The following RBFOX1 variants were observed in gnomAD, a reference collection of about 807,000 sequenced individuals.
RBFOX1 encodes RNA binding fox-1 homolog 1.
In RBFOX1, 8 loss-of-function variants were observed where a neutral mutation model predicts 57.7. The observed-to-expected ratio is 0.14, with a 90% CI of 0.08 to 0.25. RBFOX1 has a LOEUF of 0.25. RBFOX1 is among the 10% of genes least tolerant of loss of function. The probability of loss-of-function intolerance (pLI) is 1.00; values close to 1 mark genes in which losing one functional copy is unlikely to be tolerated. For synonymous variants in RBFOX1, 326 were observed against 222.4 expected (o/e 1.47, Z -4.15); for missense variants, 611 against 548.5 (o/e 1.11, Z -1.14).
chr16:7,441,171 C>T (rs2098763306), intron 4 of RBFOX1, among the ~76,000 whole-genome samples: 1 of 152,144 alleles, frequency 6.6e-6, no homozygotes, highest in South Asian at 2.1e-4. Flanking sequence ...TCACCATTGG[C>T]CCAGGAAACT....
chr16:5,929,513 G>A (rs555155561), intron 4 of RBFOX1, among the ~76,000 whole-genome samples: 26 of 152,136 alleles, frequency 1.7e-4, no homozygotes, highest in African/African-American at 5.3e-4. Flanking sequence ...GAAGATTAAA[G>A]GACATAATCT....
intron 3 of RBFOX1, among the ~76,000 whole-genome samples, chr16:6,846,768 A>T (rs978233006): frequency 6.6e-6 from 1 of 152,194 alleles, no homozygotes; most frequent in African/African-American, 2.4e-5. Context: ...TGTCTTTGAT[A>T]GGAGATGGCC....
At chr16:5,286,793 T>C (rs2063405892) in intron 1 of RBFOX1, among the ~76,000 whole-genome samples, 1 of 152,236 alleles carries the variant, frequency 6.6e-6, no homozygotes, top group East Asian at 1.9e-4. Context: ...GGTACCATCG[T>C]AGCCTAAAAG....
At chr16:5,515,401 C>G (rs571343150) in intron 2 of RBFOX1, among the ~76,000 whole-genome samples, 20 of 152,336 alleles carry the variant, frequency 1.3e-4, no homozygotes, top group African/African-American at 4.8e-4. Flanking sequence ...AGCTTGGAAT[C>G]CAGCCTCTGA....
At chr16:7,144,014 G>T (rs1272514067) in intron 4 of RBFOX1, among the ~76,000 whole-genome samples, 2 of 152,090 alleles carry the variant, frequency 1.3e-5, no homozygotes, top group East Asian at 1.9e-4. Flanking sequence ...TTCATAGTTT[G>T]GTTCCTGTGT....
intron 11 of RBFOX1, among the ~76,000 whole-genome samples, chr16:7,633,339 T>C (rs897005480): frequency 3.3e-5 from 5 of 152,254 alleles, no homozygotes; most frequent in Non-Finnish European, 7.3e-5. Flanking sequence ...ATTATGAAAT[T>C]GTATAATGTG....
intron 3 of RBFOX1, among the ~76,000 whole-genome samples, chr16:6,842,300 ATTAT>A (rs964452573): frequency 1.3e-4 from 17 of 131,640 alleles, no homozygotes; most frequent in African/African-American, 4.0e-4. Flanking sequence ...AACTTTCTTA[ATTAT>A]TTTTTTCTGA....
At chr16:5,255,306 A>G (rs1023010424) in intron 1 of RBFOX1, among the ~76,000 whole-genome samples, 1 of 150,624 alleles carries the variant, frequency 6.6e-6, no homozygotes, top group African/African-American at 2.5e-5. Context: ...CTGTCCGCCT[A>G]TCCGTCCACA....
chr16:5,714,817 G>A (rs143464385), intron 3 of RBFOX1, among the ~76,000 whole-genome samples: 51 of 152,292 alleles, frequency 3.3e-4, no homozygotes, highest in Admixed American at 2.0e-3. Context: ...TCGTCACTGC[G>A]TCACAGATGT....
chr16:7,692,273 G>T (rs1201173316), intron 14 of RBFOX1, among the ~76,000 whole-genome samples: 1 of 152,064 alleles, frequency 6.6e-6, no homozygotes, highest in African/African-American at 2.4e-5. Context: ...GTGTAGAAAT[G>T]ACTAGAATTT....
rs543728355 is a variant in RBFOX1 at position 5,971,387 on chromosome 16, G to A, written c.351+104052G>A. 6.2e-4 allele frequency among the ~76,000 whole-genome samples: 95 copies of A among 152,334 alleles called. 1 individual carries two copies. Among genetic ancestry groups the A allele is most frequent in the African/African-American group, 2.1e-3 (86 of 41,584 alleles). On this transcript the variant is annotated intron_variant, in intron 4 of 19. Transcript: ENST00000641259. ...GGTGTGAGGGTGGTAAATAAGATAT[G>A]CTGGGTGTGGGGACCATAGATCTCA...
intron 1 of RBFOX1, among the ~76,000 whole-genome samples, chr16:6,172,272 A>G (rs969291682): frequency 6.6e-6 from 1 of 151,554 alleles, no homozygotes; most frequent in African/African-American, 2.4e-5. Flanking sequence ...GGCCCCGGAC[A>G]GCGGGGAGAT....
chr16:6,668,577 C>T (rs1423151027), intron 3 of RBFOX1, among the ~76,000 whole-genome samples: 2 of 152,152 alleles, frequency 1.3e-5, no homozygotes, highest in Non-Finnish European at 2.9e-5. Context: ...GCTAGCCTTT[C>T]CTAGGTGCTC....
intron 2 of RBFOX1, among the ~76,000 whole-genome samples, chr16:6,374,485 A>G (rs2090911138): frequency 6.6e-6 from 1 of 152,124 alleles, no homozygotes; most frequent in African/African-American, 2.4e-5. Context: ...TTTTGGCCAT[A>G]TATATGTTTT....
At chr16:6,960,653 G>T (rs1376056420) in intron 3 of RBFOX1, among the ~76,000 whole-genome samples, 1 of 151,836 alleles carries the variant, frequency 6.6e-6, no homozygotes, top group East Asian at 1.9e-4. Flanking sequence ...CTCTGTTCTG[G>T]AGACAGGACA....
chr16:6,405,449 T>A (rs981305578), intron 2 of RBFOX1, among the ~76,000 whole-genome samples: 8 of 152,094 alleles, frequency 5.3e-5, no homozygotes, highest in African/African-American at 1.9e-4. Flanking sequence ...GGCTTCACCA[T>A]CCCACCACCG....
chr16:5,713,225 G>A (rs528229319), intron 3 of RBFOX1, among the ~76,000 whole-genome samples: 13 of 152,084 alleles, frequency 8.5e-5, no homozygotes, highest in East Asian at 5.8e-4. Context: ...TTTGTTACTC[G>A]AGGCCAAAGG....
At chr16:5,651,040 C>CTTTTTTGTTTT (rs2049219529) in intron 3 of RBFOX1, among the ~76,000 whole-genome samples, 1 of 56,854 alleles carries the variant, frequency 1.8e-5, no homozygotes, top group Non-Finnish European at 3.0e-5. Context: ...CTACCTCCTT[C>CTTTTTTGTTTT]TTTTTTTTTT....
chr16:7,578,366 G>T (rs1268715367), intron 5 of RBFOX1, among the ~76,000 whole-genome samples: 1 of 152,176 alleles, frequency 6.6e-6, no homozygotes, highest in Non-Finnish European at 1.5e-5. Context: ...AAGTCAACTG[G>T]TAGGTCTTTT....
Sources: gnomAD v4.1 joint callset for allele counts (sites outside exome capture counted in the v4.1 genomes callset) on GRCh38, gnomAD v4.1.1 for gene constraint, MANE v1.5 for transcripts, NCBI Gene and HGNC (gene_info 2026-07-23, HGNC 2026-07-21) for gene names.